CTTN: variants seen among roughly 807,000 people sequenced by gnomAD.
CTTN encodes src substrate cortactin.
Under a neutral mutation model 84.0 loss-of-function variants are expected in CTTN, and 28 were observed. The observed-to-expected ratio is 0.33, with a 90% CI of 0.25 to 0.46. The LOEUF is 0.46. CTTN is among the 20% of genes least tolerant of loss of function. The pLI, the probability that CTTN is intolerant of heterozygous loss-of-function variation, is 1.00. For synonymous variants in CTTN, 301 were observed against 288.8 expected (o/e 1.04, Z -0.43); for missense variants, 641 against 723.8 (o/e 0.89, Z 1.31).
intron 15 of CTTN, among the ~76,000 whole-genome samples, chr11:70,432,870 TGTCGGTGGTGAGGACCGG>T (rs1458719171): frequency 6.6e-6 from 1 of 151,710 alleles, no homozygotes; most frequent in Non-Finnish European, 1.5e-5. Context: ...AGGACTGGAG[TGTCGGTGGTGAGGACCGG>T]GTCATCATCG....
In CTTN at chr11:70,418,301, T is replaced by G. The variant is rs577009767; in HGVS notation, c.568+1178T>G. ...GGCCTTGCCTGCCGCACAGAGCTGC[T>G]TGCCTCTGCTCTCTGCCTCTTTCCT... On this transcript the variant is annotated intron_variant, in intron 8 of 17. Coordinates refer to ENST00000301843, the MANE Select transcript of CTTN (RefSeq NM_005231.4). Among the ~76,000 whole-genome samples the G allele has an allele frequency of 3.3e-5, 5 of 152,394 alleles. No individual in the cohort carries two copies. In the East Asian group the frequency reaches 9.6e-4, roughly 29 times the overall value.
At chr11:70,418,675 T>TC (rs1156680556) in intron 8 of CTTN, among the ~76,000 whole-genome samples, 1 of 152,210 alleles carries the variant, frequency 6.6e-6, no homozygotes, top group African/African-American at 2.4e-5. Context: ...GCCTTGCCCT[T>TC]CTGCTGCCTC....
At chr11:70,402,587 T>C (rs996150738) in intron 1 of CTTN, among the ~76,000 whole-genome samples, 9 of 152,222 alleles carry the variant, frequency 5.9e-5, no homozygotes, top group African/African-American at 2.2e-4. Context: ...AATCGTATAA[T>C]ATGTGGTCTT....
At chr11:70,434,206 C>A (rs535294038) in intron 17 of CTTN, among the ~76,000 whole-genome samples, 2 of 152,250 alleles carry the variant, frequency 1.3e-5, no homozygotes, top group African/African-American at 4.8e-5. Context: ...TGGCCTCAGC[C>A]GCCCGCCCCG....
At position 70,435,016 on chromosome 11, in the gene CTTN, T is replaced by C; in HGVS notation, c.1517-10T>C. ...CACTTCAGCATCTTTCTCTGTGTTC[T>C]CTTCCCCAGCGGGCGATGATGAGAT... is the stretch of plus-strand genomic sequence containing the variant. On this transcript the variant is annotated splice_polypyrimidine_tract_variant and intron_variant, in intron 17 of 17. Transcript: ENST00000301843. 6.2e-7 allele frequency: 1 copy of C among 1,613,838 alleles called. No individual in the cohort carries two copies. The highest frequency in any genetic ancestry group is 1.3e-5 in the African/African-American group (1 of 75,064).
In CTTN at chr11:70,431,211, G is replaced by T. The variant is rs138550439; in HGVS notation, c.1197G>T (p.Thr399=). 8.7e-6 allele frequency: 14 copies of T among 1,614,038 alleles called. No individual in the cohort carries two copies. The highest frequency in any genetic ancestry group is 3.3e-5 in the Admixed American group (2 of 59,994). The change falls in exon 15 of 18, where the codon ACG becomes ACT. Residue 399 remains threonine, a synonymous_variant. Transcript: ENST00000301843. ...RKLEEQARAK[T]QTPPVSPAPQ... ...CACAGGAGCAAGCCAGAGCCAAAAC[G>T]CAAACGCCCCCTGTGTCGCCCGCAC...
intron 13 of CTTN, among the ~76,000 whole-genome samples, chr11:70,425,679 G>T (rs1003221709): frequency 5.3e-5 from 8 of 152,228 alleles, no homozygotes; most frequent in Non-Finnish European, 1.2e-4. Context: ...ACATTCACAA[G>T]GGCCTCCACA....
At position 70,407,153 on chromosome 11, in the gene CTTN, A is replaced by C. The variant is rs903379738; in HGVS notation, c.1-145A>C. On this transcript the variant is annotated intron_variant, in intron 2 of 17. Coordinates refer to ENST00000301843, the MANE Select transcript of CTTN (RefSeq NM_005231.4). ...ACTCCTGTGGTTGTCAGTCAGGCTT[A>C]TGGATCATGAAGGATTGGCTGGTCC... 2.4e-5 allele frequency: 15 copies of C among 637,300 alleles called. No homozygotes were observed. In the African/African-American group the frequency reaches 2.6e-4, roughly 11 times the overall value. The allele number at this position is 637,300 out of a possible 1,614,324, so 39.5% of individuals were successfully genotyped here. A position where few individuals can be genotyped will look rare whatever the true frequency, so the allele number is the denominator to read the frequency against.
intron 17 of CTTN, 93 bp downstream of exon 17, chr11:70,433,811 A>AGTTTTAGAAGTAATTTATGTTGAG (rs2058383341): frequency 1.2e-6 from 1 of 854,088 alleles, no homozygotes; most frequent in African/African-American, 1.7e-5. Flanking sequence ...TAGCGTTGTT[A>AGTTTTAGAAGTAATTTATGTTGAG]GTTTTAGAAG....
At chr11:70,422,902 C>G (rs781596542) in intron 11 of CTTN, 38 bp from the exon 12 acceptor site, 3 of 1,613,968 alleles carry the variant, frequency 1.9e-6, no homozygotes, top group Middle Eastern at 3.3e-4. Context: ...ATGCTCGCCT[C>G]CACCTCAGAG....
chr11:70,398,899 G>T (rs906824457), intron 1 of CTTN, among the ~76,000 whole-genome samples: 12 of 151,540 alleles, frequency 7.9e-5, no homozygotes, highest in African/African-American at 2.7e-4. Context: ...GTCCGCGGAG[G>T]AAGGTTAGAA....
intron 13 of CTTN, among the ~76,000 whole-genome samples, chr11:70,427,519 A>G (rs2058312687): frequency 6.6e-6 from 1 of 152,216 alleles, no homozygotes; most frequent in Admixed American, 6.5e-5. Flanking sequence ...GTTTAGGAAG[A>G]ACATGTGGAA....
At chr11:70,431,006 C>T (rs1382178346) in intron 14 of CTTN, among the ~76,000 whole-genome samples, 185 bp from the exon 15 acceptor site, 4 of 152,140 alleles carry the variant, frequency 2.6e-5, no homozygotes, top group South Asian at 4.2e-4. Flanking sequence ...CCCTGCCCCT[C>T]GGATCCTGCT....
rs139067402 is a variant in CTTN at position 70,417,019 on chromosome 11, C to G, written c.464C>G (p.Ser155Cys). The change falls in exon 8 of 18, where the codon TCC becomes TGC. Residue 155 changes from serine to cysteine, a missense_variant. By Grantham distance (112) the Ser-to-Cys change is moderately radical. This residue lies in a region of CTTN where 284 missense variants were observed against 348.4 expected (regional missense o/e 0.82). Coordinates refer to ENST00000301843, the MANE Select transcript of CTTN (RefSeq NM_005231.4). The stretch of plus-strand genomic sequence containing the variant: ...TGCTGCCCTGTCTCTCCAGACTACT[C>G]CAGTGGTTTTGGCGGCAAGTATGGC... ...TEKHASQKDY[S>C]SGFGGKYGVQ... is the part of the protein sequence containing the mutation. 3.2e-5 allele frequency: 51 copies of G among 1,613,966 alleles called. No homozygotes were observed. The African/African-American group carries it at 5.9e-4, about 19-fold the overall frequency.
At chr11:70,419,100 T>A (rs1047451172) in intron 8 of CTTN, among the ~76,000 whole-genome samples, 1 of 141,218 alleles carries the variant, frequency 7.1e-6, no homozygotes, top group Non-Finnish European at 1.5e-5. Flanking sequence ...AAAAAAAAAC[T>A]TTTTTTCTTA....
rs558447888 is a variant in CTTN at position 70,429,586 on chromosome 11, G to A, written c.1176+387G>A. 4.0e-3 allele frequency among the ~76,000 whole-genome samples: 612 copies of A among 152,190 alleles called. 5 individuals are homozygous for A. Among genetic ancestry groups the A allele is most frequent in the Middle Eastern group, 0.024 (7 of 294 alleles). On this transcript the variant is annotated intron_variant, in intron 14 of 17. Coordinates refer to ENST00000301843, the MANE Select transcript of CTTN (RefSeq NM_005231.4). Reference sequence around the variant, plus strand: ...CCTCTGGAAGCCCCTCCTTTCCCAGGTGGAAGTTTGGGGTTTGGAGGGGAC... The same window carrying A: ...CCTCTGGAAGCCCCTCCTTTCCCAGATGGAAGTTTGGGGTTTGGAGGGGAC...
intron 17 of CTTN, among the ~76,000 whole-genome samples, chr11:70,434,201 T>G (rs1302118064): frequency 2.6e-5 from 4 of 152,216 alleles, no homozygotes; most frequent in African/African-American, 9.6e-5. Flanking sequence ...TGGGCTGGCC[T>G]CAGCCGCCCG....
At chr11:70,434,936 G>A (rs2058397934) in intron 17 of CTTN, 90 bp from the exon 18 acceptor site, 1 of 1,410,886 alleles carries the variant, frequency 7.1e-7, no homozygotes, top group East Asian at 2.3e-5. Context: ...TGAGCAGGCT[G>A]CCTGGGAGCT....
In CTTN at chr11:70,426,643, C is replaced by T. The variant is rs560262795; in HGVS notation, c.1027+1242C>T. 1.3e-3 allele frequency among the ~76,000 whole-genome samples: 196 copies of T among 150,646 alleles called. 1 individual carries two copies. The highest frequency in any genetic ancestry group is 3.4e-3 in the Middle Eastern group (1 of 292). Reference sequence around the variant, plus strand: ...TGTCGCCCAGGCTGGAGTGCAGTGGCGCGGACTCGGCTCACTGCAAGCTCC... The same window carrying T: ...TGTCGCCCAGGCTGGAGTGCAGTGGTGCGGACTCGGCTCACTGCAAGCTCC... On this transcript the variant is annotated intron_variant, in intron 13 of 17. Coordinates refer to ENST00000301843, the MANE Select transcript of CTTN (RefSeq NM_005231.4).
Sources: gnomAD v4.1 joint callset for allele counts (sites outside exome capture counted in the v4.1 genomes callset) on GRCh38, gnomAD v4.1.1 for gene constraint, gnomAD v4.1.1 regional missense constraint, MANE v1.5 for transcripts, NCBI Gene and HGNC (gene_info 2026-07-23, HGNC 2026-07-21) for gene names.